Variants in TCF4 observed in about 807,000 individuals in gnomAD.
TCF4 encodes transcription factor 4, also known as SL3-3 enhancer factor 2.
A neutral mutation model predicts 82.1 loss-of-function variants in TCF4; 3 were observed. The ratio of observed to expected loss-of-function variants is 0.04; its 90% CI spans 0.02 to 0.09. The LOEUF is 0.09. Ranked by LOEUF, TCF4 falls within the 10% of genes least tolerant of loss-of-function variation. The pLI is 1.00. For synonymous variants in TCF4, 276 were observed against 309.6 expected (o/e 0.89, Z 1.14); for missense variants, 518 against 852.7 (o/e 0.61, Z 4.89).
At chr18:55,366,257 G>A (rs895825843) in intron 6 of TCF4, among the ~76,000 whole-genome samples, 1 of 152,130 alleles carries the variant, frequency 6.6e-6, no homozygotes, top group Non-Finnish European at 1.5e-5. Flanking sequence ...ATTCCAGAAG[G>A]TTTGAAAGCT....
At chr18:55,437,463 A>T (rs1057379846) in intron 5 of TCF4, among the ~76,000 whole-genome samples, 14 of 152,226 alleles carry the variant, frequency 9.2e-5, no homozygotes, top group Non-Finnish European at 1.9e-4. Context: ...ATTTTCTTTG[A>T]TCTAAAAATT....
chr18:55,448,176 C>G (rs962356752), intron 5 of TCF4, among the ~76,000 whole-genome samples: 1 of 152,146 alleles, frequency 6.6e-6, no homozygotes, highest in Non-Finnish European at 1.5e-5. Context: ...TCACAGTGAC[C>G]ATGGAAAATA....
intron 15 of TCF4, among the ~76,000 whole-genome samples, chr18:55,239,577 T>C (rs1158199509): frequency 6.6e-6 from 1 of 152,184 alleles, no homozygotes; most frequent in African/African-American, 2.4e-5. Flanking sequence ...CGTACATATA[T>C]AGATAGAGGA....
intron 6 of TCF4, among the ~76,000 whole-genome samples, chr18:55,386,551 C>T (rs1215269155): frequency 1.3e-5 from 2 of 152,146 alleles, no homozygotes; most frequent in African/African-American, 2.4e-5. Context: ...TTATTGACTA[C>T]AACCTTTCAT....
intron 3 of TCF4, among the ~76,000 whole-genome samples, chr18:55,545,009 G>A (rs1185637743): frequency 6.6e-6 from 1 of 152,180 alleles, no homozygotes; most frequent in African/African-American, 2.4e-5. Context: ...ACTGCTAGAG[G>A]TAATAGACAG....
intron 2 of TCF4, among the ~76,000 whole-genome samples, chr18:55,603,533 T>C (rs1005458989): frequency 2.6e-5 from 4 of 152,212 alleles, no homozygotes; most frequent in Non-Finnish European, 5.9e-5. Context: ...AAATATAGAA[T>C]TGTCAAACCC....
intron 15 of TCF4, among the ~76,000 whole-genome samples, chr18:55,237,467 C>CT (rs538071929): frequency 0.11 from 13,708 of 122,628 alleles, 1,260 homozygotes; most frequent in African/African-American, 0.23. Context: ...GTTGTTCTGA[C>CT]TTTTTTTTTT....
intron 6 of TCF4, among the ~76,000 whole-genome samples, chr18:55,374,315 G>A (rs1013878034): frequency 6.7e-6 from 1 of 149,554 alleles, no homozygotes; most frequent in African/African-American, 2.5e-5. Context: ...AAAACAAAAT[G>A]TAGATTATCA....
At chr18:55,245,238 C>G (rs1160580430) in intron 15 of TCF4, among the ~76,000 whole-genome samples, 1 of 152,100 alleles carries the variant, frequency 6.6e-6, no homozygotes, top group Non-Finnish European at 1.5e-5. Context: ...AATTAAGATA[C>G]TTTTGATTTG....
At chr18:55,595,494 A>G (rs2097689972) in intron 2 of TCF4, among the ~76,000 whole-genome samples, 1 of 152,360 alleles carries the variant, frequency 6.6e-6, no homozygotes, top group South Asian at 2.1e-4. Context: ...TGACCCAGAA[A>G]ATTAAGCAAT....
intron 3 of TCF4, among the ~76,000 whole-genome samples, chr18:55,506,457 G>T (rs1452281743): frequency 6.6e-6 from 1 of 152,110 alleles, no homozygotes. Context: ...TCAGCTTCCT[G>T]ATTCTAAAAC....
Position 55,405,859 on chromosome 18 carries a change from A to C in TCF4, c.305-2341T>G, listed in dbSNP as rs77433731. On this transcript the variant is annotated intron_variant, in intron 5 of 19. Coordinates refer to ENST00000354452, the MANE Select transcript of TCF4 (RefSeq NM_001083962.2). Reference sequence around the variant, plus strand: ...ATGGAACCCAGCATTCTTTACTATCATATCAGATACAGACTGCTTAATCTT... The same window carrying C: ...ATGGAACCCAGCATTCTTTACTATCCTATCAGATACAGACTGCTTAATCTT... 1.5e-3 allele frequency among the ~76,000 whole-genome samples: 222 copies of C among 152,320 alleles called. 2 individuals carry two copies. In the East Asian group the frequency reaches 0.042, roughly 29 times the overall value.
intron 5 of TCF4, among the ~76,000 whole-genome samples, chr18:55,418,739 T>C (rs535016154): frequency 1.2e-4 from 18 of 152,306 alleles, no homozygotes; most frequent in African/African-American, 3.8e-4. Flanking sequence ...GCATTATATT[T>C]TGTCATGCCA....
intron 3 of TCF4, among the ~76,000 whole-genome samples, chr18:55,541,419 T>A (rs960576197): frequency 1.3e-5 from 2 of 151,994 alleles, no homozygotes; most frequent in African/African-American, 4.8e-5. Context: ...GGATAAGGTT[T>A]ACTTATTCTG....
At chr18:55,474,495 T>C (rs1199668651) in intron 3 of TCF4, among the ~76,000 whole-genome samples, 2 of 152,252 alleles carry the variant, frequency 1.3e-5, no homozygotes, top group East Asian at 1.9e-4. Context: ...TTTGAGGGTG[T>C]TTCTATTACT....
intron 2 of TCF4, among the ~76,000 whole-genome samples, chr18:55,611,167 T>C (rs1395240039): frequency 6.6e-6 from 1 of 152,186 alleles, no homozygotes; most frequent in African/African-American, 2.4e-5. Context: ...AGTTGCAAGA[T>C]AAGCAGCTGA....
rs587784467 is a variant in TCF4, at chr18:55,275,755, G to A, written c.656-3C>T. 2.5e-6 allele frequency: 4 copies of A among 1,613,730 alleles called. No homozygotes were observed. In the South Asian group the frequency reaches 3.3e-5, roughly 13 times the overall value. On this transcript the variant is annotated splice_region_variant and splice_polypyrimidine_tract_variant and intron_variant, in intron 9 of 19. Transcript: ENST00000354452. ...AGGGTCACTGCTGTGATGGCCATCT[G>A]TAAAGGACAAAGACAACCATGACTT...
chr18:55,463,948 CTGTGTGTGTGTG>C (rs151196106), intron 4 of TCF4, 116 bp downstream of exon 4: 1 of 701,202 alleles, frequency 1.4e-6, no homozygotes, highest in Non-Finnish European at 2.6e-6. Context: ...GCCCATGCCT[CTGTGTGTGTGTG>C]TGTGTGTGTG....
At chr18:55,316,248 T>C (rs966471561) in intron 8 of TCF4, among the ~76,000 whole-genome samples, 12 of 152,114 alleles carry the variant, frequency 7.9e-5, no homozygotes, top group Non-Finnish European at 1.6e-4. Context: ...TGTATTTTCT[T>C]CTTAAGGCAA....
Sources: gnomAD v4.1 joint callset for allele counts (sites outside exome capture counted in the v4.1 genomes callset) on GRCh38, gnomAD v4.1.1 for gene constraint, MANE v1.5 for transcripts, NCBI Gene and HGNC (gene_info 2026-07-23, HGNC 2026-07-21) for gene names.